The following ATP1B3 variants were observed in gnomAD, a reference collection of about 807,000 sequenced individuals.
The protein encoded by ATP1B3 is sodium/potassium-transporting ATPase subunit beta-3.
Under a neutral mutation model 30.2 loss-of-function variants are expected in ATP1B3, and 10 were observed. The observed-to-expected ratio is 0.33, with a 90% CI of 0.20 to 0.56. ATP1B3 has a LOEUF of 0.56. ATP1B3 is among the 20% of genes least tolerant of loss of function. ATP1B3 has a pLI of 0.90. For synonymous variants in ATP1B3, 113 were observed against 117.0 expected (o/e 0.97, Z 0.22); for missense variants, 238 against 336.7 (o/e 0.71, Z 2.29).
Position 141,913,652 on chromosome 3 carries a change from C to T in ATP1B3, c.347C>T (p.Pro116Leu). Residue 116 changes from proline (P) to leucine (L), a missense_variant and splice_region_variant, in exon 4 of 7, where the codon CCA becomes CTA. Physicochemically the swap from Pro to Leu is moderately conservative, Grantham distance 98 (BLOSUM62 -3). Around this residue, in one of 3 missense-constraint regions of ATP1B3, gnomAD observed 130 missense variants for 148.8 expected, o/e 0.87. Coordinates refer to ENST00000286371, the MANE Select transcript of ATP1B3 (RefSeq NM_001679.4). ...GCACACATATATGTTTCCTTTTTAG[C>T]ATATACTTTAGAAGAACAGAAGAAC... ...YIEDLKKFLK[P>L]YTLEEQKNLT... 1 of 1,607,502 alleles carries T rather than the reference C, an allele frequency of 6.2e-7. No homozygotes were observed. The highest frequency in any genetic ancestry group is 8.5e-7 in the Non-Finnish European group (1 of 1,178,234).
At chr3:141,902,434 G>A (rs1391649227) in intron 1 of ATP1B3, among the ~76,000 whole-genome samples, 1 of 152,032 alleles carries the variant, frequency 6.6e-6, no homozygotes, top group Admixed American at 6.5e-5. Context: ...CTCCCTGGGG[G>A]GAAAATATAT....
At position 141,925,531 on chromosome 3, in the gene ATP1B3, G is replaced by A. The variant is rs775516248; in HGVS notation, c.670G>A (p.Val224Ile). Residue 224 changes from valine to isoleucine, a missense_variant and splice_region_variant, in exon 7 of 7, where the codon GTT becomes ATT. By Grantham distance (29) the Val-to-Ile change is conservative. Transcript: ENST00000286371. ...YFPYYGKKLH[V>I]GYLQPLVAVQ... Reference sequence around the variant, plus strand: ...TAATATATTTTCCTTTTATTGCCAGGTTGGGTATCTACAGCCATTGGTTGC... The same window carrying A: ...TAATATATTTTCCTTTTATTGCCAGATTGGGTATCTACAGCCATTGGTTGC... 6.3e-7 allele frequency: 1 copy of A among 1,597,226 alleles called. No homozygotes were observed. Among genetic ancestry groups the A allele is most frequent in the Admixed American group, 1.8e-5 (1 of 55,240 alleles).
chr3:141,891,123 TG>T (rs1269377440), intron 1 of ATP1B3, among the ~76,000 whole-genome samples: 1 of 152,214 alleles, frequency 6.6e-6, no homozygotes, highest in Non-Finnish European at 1.5e-5. Flanking sequence ...TGATATGAAT[TG>T]GCAACTTTGT....
chr3:141,911,446 A>G (rs907764126), intron 3 of ATP1B3, among the ~76,000 whole-genome samples: 1 of 150,666 alleles, frequency 6.6e-6, no homozygotes, highest in East Asian at 1.9e-4. Flanking sequence ...TTTTGTTCCA[A>G]TTATCTCTTT....
intron 2 of ATP1B3, among the ~76,000 whole-genome samples, chr3:141,906,954 A>G (rs1242364392): frequency 1.3e-5 from 2 of 152,050 alleles, no homozygotes; most frequent in African/African-American, 4.8e-5. Flanking sequence ...GACAGTTTCT[A>G]ATCGGTAATG....
intron 1 of ATP1B3, chr3:141,877,542 A>G (rs944492267): frequency 6.6e-6 from 1 of 152,268 alleles, no homozygotes; most frequent in Non-Finnish European, 1.5e-5. Context: ...GAATTTGGAC[A>G]GTGAAAAGGC....
intron 4 of ATP1B3, 121 bp downstream of exon 4, chr3:141,913,957 G>C: frequency 1.1e-6 from 1 of 937,614 alleles, no homozygotes; most frequent in Non-Finnish European, 1.5e-6. Context: ...TCATTTGGGG[G>C]GTAGCTTGCT....
intron 5 of ATP1B3, among the ~76,000 whole-genome samples, chr3:141,916,841 G>C (rs577969067): frequency 1.1e-4 from 17 of 151,988 alleles, no homozygotes; most frequent in Non-Finnish European, 1.9e-4. Flanking sequence ...CAGTAGGTCT[G>C]AGATAGGGTC....
rs1934405467 is a variant in ATP1B3 at position 141,913,596 on chromosome 3, G to T, written c.347-56G>T. ...TTTTCCAAAGGTTAATATATTCCTG[G>T]TTGTTTTTAGTACCTTTTTTGGCTG... On this transcript the variant is annotated intron_variant, in intron 3 of 6. Transcript: ENST00000286371. 24 of 1,401,770 alleles carry T rather than the reference G, an allele frequency of 1.7e-5. No homozygotes were observed. In the South Asian group the frequency reaches 3.3e-4, roughly 19 times the overall value. The allele number at this position is 1,401,770 out of a possible 1,614,324, so 86.8% of individuals were successfully genotyped here.
chr3:141,915,501 G>A (rs1362304515), intron 4 of ATP1B3, among the ~76,000 whole-genome samples: 1 of 152,168 alleles, frequency 6.6e-6, no homozygotes, highest in Non-Finnish European at 1.5e-5. Flanking sequence ...TGTGCCTTTT[G>A]GGGAGCAGAT....
At chr3:141,888,803 G>A (rs976775934) in intron 1 of ATP1B3, among the ~76,000 whole-genome samples, 4 of 152,090 alleles carry the variant, frequency 2.6e-5, no homozygotes, top group East Asian at 1.9e-4. Flanking sequence ...CCCTGCGCAC[G>A]CTGTCTTGCT....
intron 1 of ATP1B3, among the ~76,000 whole-genome samples, chr3:141,880,670 A>T (rs1266234901): frequency 3.3e-5 from 5 of 152,130 alleles, no homozygotes; most frequent in South Asian, 2.1e-4. Context: ...TTCTAGCTTT[A>T]AAAAAAGTGT....
chr3:141,897,397 ATAT>A (rs1214400662), intron 1 of ATP1B3, among the ~76,000 whole-genome samples: 1 of 152,186 alleles, frequency 6.6e-6, no homozygotes, highest in African/African-American at 2.4e-5. Flanking sequence ...GAAGCAGCAG[ATAT>A]TATTCACATG....
chr3:141,896,419 G>A (rs1041372215), intron 1 of ATP1B3, among the ~76,000 whole-genome samples: 3 of 152,182 alleles, frequency 2.0e-5, no homozygotes, highest in Non-Finnish European at 4.4e-5. Context: ...TACTGGGGAG[G>A]CTGGGGCAGG....
intron 5 of ATP1B3, among the ~76,000 whole-genome samples, chr3:141,917,056 T>C (rs1934477649): frequency 6.8e-6 from 1 of 147,980 alleles, no homozygotes; most frequent in African/African-American, 2.5e-5. Context: ...GGTTTCATCA[T>C]GTTAGCCAGG....
chr3:141,905,570 T>C (rs1412191942), intron 2 of ATP1B3, among the ~76,000 whole-genome samples: 1 of 152,194 alleles, frequency 6.6e-6, no homozygotes, highest in African/African-American at 2.4e-5. Context: ...TTCTAATGAT[T>C]TCTTTTGTTT....
intron 3 of ATP1B3, among the ~76,000 whole-genome samples, chr3:141,911,662 T>C (rs757495468): frequency 3.5e-4 from 53 of 152,212 alleles, no homozygotes; most frequent in Non-Finnish European, 6.8e-4. Context: ...ACCTGGCTAA[T>C]TTTTGTATTT....
At chr3:141,922,981 T>C (rs896588600) in intron 6 of ATP1B3, among the ~76,000 whole-genome samples, 2 of 138,488 alleles carry the variant, frequency 1.4e-5, no homozygotes, top group Non-Finnish European at 3.1e-5. Flanking sequence ...AGAAAAAAAA[T>C]CAAAAGCTCA....
intron 1 of ATP1B3, among the ~76,000 whole-genome samples, chr3:141,879,811 C>CTTTTTTTTTT (rs150389395): frequency 2.4e-4 from 14 of 57,944 alleles, no homozygotes; most frequent in African/African-American, 4.2e-4. Flanking sequence ...TTGGTAACAG[C>CTTTTTTTTTT]TTTTTTTTTT....
Sources: allele counts gnomAD v4.1 joint callset (sites outside exome capture counted in the v4.1 genomes callset), GRCh38; gene constraint gnomAD v4.1.1; regional missense constraint gnomAD v4.1.1; transcripts MANE v1.5; gene names NCBI Gene and HGNC (gene_info 2026-07-23, HGNC 2026-07-21).